Variants in ABCA1 observed in about 807,000 individuals in gnomAD.
ABCA1 encodes the protein phospholipid-transporting ATPase ABCA1.
Under a neutral mutation model 262.5 loss-of-function variants are expected in ABCA1, and 133 were observed. The ratio of observed to expected loss-of-function variants is 0.51; its 90% CI spans 0.44 to 0.59. The LOEUF (loss-of-function observed/expected upper bound fraction) is 0.59, where lower values mean the gene tolerates loss of function less well. ABCA1 is among the 20% of genes least tolerant of loss of function. The pLI is 0.00. For missense variants in ABCA1, 2,452 were observed against 2,777.5 expected, an observed-to-expected ratio of 0.88 and a Z score of 2.63; for synonymous variants, 1,022 against 1,043.5, an observed-to-expected ratio of 0.98 and a Z score of 0.40.
chr9:104,843,550 C>G (rs1470626894), intron 8 of ABCA1, among the ~76,000 whole-genome samples: 1 of 152,156 alleles, frequency 6.6e-6, no homozygotes, highest in African/African-American at 2.4e-5. Context: ...TGTCAATTAA[C>G]TCATTGGGTG....
intron 1 of ABCA1, among the ~76,000 whole-genome samples, chr9:104,918,583 A>ATTAG (rs1189986493): frequency 6.6e-6 from 1 of 152,212 alleles, no homozygotes; most frequent in Non-Finnish European, 1.5e-5. Flanking sequence ...CTATAGGTGT[A>ATTAG]TTAGTGCATT....
Position 104,802,065 on chromosome 9 carries a change from T to C in ABCA1, c.4687A>G (p.Lys1563Glu). The C allele has an allele frequency of 1.2e-6, 2 of 1,614,154 alleles. No individual in the cohort carries two copies. The highest frequency in any genetic ancestry group is 1.7e-6 in the Non-Finnish European group (2 of 1,180,010). The change falls in exon 34 of 50, where the codon AAG becomes GAG. Residue 1563 changes from lysine (K) to glutamate (E), a missense_variant. Physicochemically the swap from Lys to Glu is moderately conservative, Grantham distance 56. Around this residue, in one of 4 missense-constraint regions of ABCA1, gnomAD observed 752 missense variants for 944.5 expected, o/e 0.80. Transcript: ENST00000374736. ...DAIKQMKKHLKLAKDSSADRF... is the reference protein window; with the variant it reads ...DAIKQMKKHLELAKDSSADRF... ...GATAGATATTTTACCTTGGCCAGCT[T>C]TAGGTGTTTCTTCATTTGTTTGATG...
chr9:104,811,127 C>G (rs1332433969), intron 28 of ABCA1, among the ~76,000 whole-genome samples: 1 of 152,242 alleles, frequency 6.6e-6, no homozygotes, highest in Non-Finnish European at 1.5e-5. Context: ...TAAACCTTTT[C>G]TCTGGCAACA....
At chr9:104,834,659 G>C (rs1317600197) in intron 11 of ABCA1, among the ~76,000 whole-genome samples, 2 of 148,822 alleles carry the variant, frequency 1.3e-5, no homozygotes, top group Non-Finnish European at 3.0e-5. Flanking sequence ...AGGGGCAGGA[G>C]ACCTAAGACT....
chr9:104,839,970 T>G (rs1028080829), intron 9 of ABCA1, among the ~76,000 whole-genome samples: 1 of 152,232 alleles, frequency 6.6e-6, no homozygotes, highest in Admixed American at 6.5e-5. Flanking sequence ...TCTGCCATTA[T>G]CTCATTCTTG....
chr9:104,827,044 T>C lies in ABCA1; in HGVS notation c.2241A>G (p.Ala747=). The C allele has an allele frequency of 6.2e-7, 1 of 1,614,226 alleles. No individual in the cohort carries two copies. The highest frequency in any genetic ancestry group is 8.5e-7 in the Non-Finnish European group (1 of 1,180,048). The change falls in exon 16 of 50, where the codon GCA becomes GCG. Residue 747 remains alanine, a synonymous_variant. Coordinates refer to ENST00000374736, the MANE Select transcript of ABCA1 (RefSeq NM_005502.4). ...TGAAGTAGATGATGCCCCCACAGGC[T>C]GCTGCCAGGTTGGCTCTGGAGAAGA... is the stretch of plus-strand genomic sequence containing the variant. ...STLFSRANLA[A]ACGGIIYFTL...
At position 104,828,941 on chromosome 9, in the gene ABCA1, G is replaced by A. The variant is rs753236712; in HGVS notation, c.2090C>T (p.Ala697Val). Residue 697 changes from alanine to valine, a missense_variant, in exon 15 of 50, where the codon GCT (alanine) becomes GTT (valine). Ala to Val is a moderately conservative substitution (Grantham distance 64). This residue lies in a region of ABCA1 where 1,032 missense variants were observed against 1,089.7 expected (regional missense o/e 0.95). Coordinates refer to ENST00000374736, the MANE Select transcript of ABCA1 (RefSeq NM_005502.4). ...CTTCAGGATGACCACTAGCAGGCCA[G>A]CGCTCACAAGAAGAGGAATGAGGCT... ...ISSLIPLLVS[A>V]GLLVVILKLG... 1.2e-6 allele frequency: 2 copies of A among 1,614,196 alleles called. No homozygotes were observed. Among genetic ancestry groups the A allele is most frequent in the South Asian group, 1.1e-5 (1 of 91,074 alleles).
Position 104,862,658 on chromosome 9 carries a change from CCGGG to C in ABCA1, c.422-862_422-859del. Among the ~76,000 whole-genome samples the C allele has an allele frequency of 4.6e-3, 24 of 5,184 alleles. 5 individuals are homozygous for C. Among genetic ancestry groups the C allele is most frequent in the African/African-American group, 0.018 (24 of 1,322 alleles). The allele number at this position is 5,184 out of a possible 152,430, so 3.4% of individuals were successfully genotyped here. A position where few individuals can be genotyped will look rare whatever the true frequency, so the allele number is the denominator to read the frequency against. Reference sequence around the variant, plus strand: ...CCGGGCCGGGCCGGGCCGGGCCGGGCCGGGCCGGGCCGGGCCGGGCCGGGCCGGG... The same window carrying C: ...CCGGGCCGGGCCGGGCCGGGCCGGGCCCGGGCCGGGCCGGGCCGGGCCGGG... On this transcript the variant is annotated intron_variant, in intron 5 of 49. Coordinates refer to ENST00000374736, the MANE Select transcript of ABCA1 (RefSeq NM_005502.4).
chr9:104,894,660 C>T (rs1211286659), intron 2 of ABCA1, among the ~76,000 whole-genome samples: 1 of 152,208 alleles, frequency 6.6e-6, no homozygotes, highest in Non-Finnish European at 1.5e-5. Context: ...GACTGAAGGG[C>T]TCCTTCTCTT....
intron 5 of ABCA1, among the ~76,000 whole-genome samples, chr9:104,862,707 ACCCCC>A (rs1836729259): frequency 5.1e-4 from 1 of 1,972 alleles, no homozygotes; most frequent in African/African-American, 2.3e-3. Context: ...GCCGGCCCCC[ACCCCC>A]ACCCCCACCC....
intron 7 of ABCA1, among the ~76,000 whole-genome samples, chr9:104,849,048 G>A (rs1835148017): frequency 1.3e-5 from 2 of 152,190 alleles, no homozygotes. Context: ...TCTGTTGTTT[G>A]TATAAAAGGT....
intron 29 of ABCA1, among the ~76,000 whole-genome samples, chr9:104,810,335 A>G (rs781240622): frequency 6.6e-6 from 1 of 151,988 alleles, no homozygotes; most frequent in African/African-American, 2.4e-5. Context: ...GGATATTTTT[A>G]TCTAAAGAAC....
rs749717998 is a variant in ABCA1 at position 104,821,481 on chromosome 9, G to C, written c.2854C>G (p.Pro952Ala). The change falls in exon 20 of 50, where the codon CCG becomes GCG. Residue 952 changes from proline to alanine, a missense_variant. Physicochemically the swap from Pro to Ala is conservative, Grantham distance 27 (BLOSUM62 -1). Around this residue, in one of 4 missense-constraint regions of ABCA1, gnomAD observed 665 missense variants for 727.3 expected, o/e 0.91. Coordinates refer to ENST00000374736, the MANE Select transcript of ABCA1 (RefSeq NM_005502.4). ...AGGATGTAGGCGGTGCCCGAGGTCG[G>C]GGGGAACAACCCGGTCAGGATTGAC... ...TMSILTGLFP[P>A]TSGTAYILGK... 1.9e-6 allele frequency: 3 copies of C among 1,613,912 alleles called. No individual in the cohort carries two copies. Among genetic ancestry groups the C allele is most frequent in the South Asian group, 2.2e-5 (2 of 91,078 alleles).
At chr9:104,803,215 C>T in intron 33 of ABCA1, 69 bp downstream of exon 33, 1 of 1,556,352 alleles carries the variant, frequency 6.4e-7, no homozygotes, top group Non-Finnish European at 8.9e-7. Flanking sequence ...CCAAGGCTTT[C>T]TTCAATCCAA....
At chr9:104,898,438 C>G (rs1173419678) in intron 2 of ABCA1, among the ~76,000 whole-genome samples, 1 of 151,870 alleles carries the variant, frequency 6.6e-6, no homozygotes, top group Non-Finnish European at 1.5e-5. Context: ...ATCCCAGCTA[C>G]TAGGAGGCTG....
intron 2 of ABCA1, among the ~76,000 whole-genome samples, chr9:104,902,298 T>A (rs2791951): frequency 2.0e-5 from 3 of 152,384 alleles, no homozygotes; most frequent in African/African-American, 4.8e-5. Context: ...TTTATGATTG[T>A]GTTGGCACCA....
intron 42 of ABCA1, among the ~76,000 whole-genome samples, chr9:104,792,229 T>C (rs1689596867): frequency 6.6e-6 from 1 of 152,234 alleles, no homozygotes; most frequent in African/African-American, 2.4e-5. Flanking sequence ...TAACCTGTCT[T>C]TTTAGAACCG....
chr9:104,865,261 G>A (rs575189484), intron 5 of ABCA1, among the ~76,000 whole-genome samples: 1 of 152,186 alleles, frequency 6.6e-6, no homozygotes, highest in Non-Finnish European at 1.5e-5. Flanking sequence ...TAAGACCCAG[G>A]CATCAGAATT....
At chr9:104,916,496 A>G (rs1157781274) in intron 1 of ABCA1, among the ~76,000 whole-genome samples, 1 of 152,222 alleles carries the variant, frequency 6.6e-6, no homozygotes, top group Non-Finnish European at 1.5e-5. Flanking sequence ...AGACATCTAC[A>G]GACACAATTT....
Sources: gnomAD v4.1 joint callset for allele counts (sites outside exome capture counted in the v4.1 genomes callset) on GRCh38, gnomAD v4.1.1 for gene constraint, gnomAD v4.1.1 regional missense constraint, MANE v1.5 for transcripts, NCBI Gene and HGNC (gene_info 2026-07-23, HGNC 2026-07-21) for gene names.